Variants in YTHDF2 observed in about 807,000 individuals in gnomAD.
YTHDF2 encodes YTH domain-containing family protein 2.
In YTHDF2, 2 loss-of-function variants were observed where a neutral mutation model predicts 50.4. The ratio of observed to expected loss-of-function variants is 0.04; its 90% CI spans 0.02 to 0.12. YTHDF2 has a LOEUF of 0.12. YTHDF2 is among the 10% of genes least tolerant of loss of function. The pLI is 1.00. For missense variants in YTHDF2, 483 were observed against 722.6 expected (o/e 0.67, Z 3.80); for synonymous variants, 217 against 255.6 (o/e 0.85, Z 1.44).
At chr1:28,754,726 A>C (rs1347754010) in intron 4 of YTHDF2, among the ~76,000 whole-genome samples, 1 of 147,272 alleles carries the variant, frequency 6.8e-6, no homozygotes, top group Non-Finnish European at 1.5e-5. Flanking sequence ...ATCACTTGAA[A>C]CCAGAAGGCG....
intron 4 of YTHDF2, among the ~76,000 whole-genome samples, chr1:28,757,549 A>G (rs1444188563): frequency 2.6e-5 from 4 of 151,932 alleles, no homozygotes; most frequent in Admixed American, 6.6e-5. Flanking sequence ...GGTGTACTAC[A>G]TGAAGCCATT....
intron 4 of YTHDF2, among the ~76,000 whole-genome samples, chr1:28,754,952 G>T (rs539130438): frequency 1.3e-4 from 17 of 129,412 alleles, no homozygotes; most frequent in African/African-American, 5.5e-4. Context: ...ATTCCAGCCT[G>T]GGTGACAGCT....
At chr1:28,762,279 C>G (rs1387567161) in intron 4 of YTHDF2, among the ~76,000 whole-genome samples, 1 of 152,158 alleles carries the variant, frequency 6.6e-6, no homozygotes, top group East Asian at 1.9e-4. Context: ...GTAGTCCCAG[C>G]TACTCGGGAG....
chr1:28,748,726 C>T (rs2087903317), intron 4 of YTHDF2, among the ~76,000 whole-genome samples: 1 of 152,078 alleles, frequency 6.6e-6, no homozygotes, highest in African/African-American at 2.4e-5. Flanking sequence ...GTGTGGTTTA[C>T]CTTGTTGAAT....
chr1:28,746,797 C>G (rs1410734756), intron 4 of YTHDF2, among the ~76,000 whole-genome samples: 1 of 151,724 alleles, frequency 6.6e-6, no homozygotes, highest in Non-Finnish European at 1.5e-5. Context: ...GTTAATTTAG[C>G]TTTTGGCCAG....
In YTHDF2 at chr1:28,737,278, T is replaced by C. The variant is rs1570457556; in HGVS notation, c.27+131T>C. ...TCTCTTGCGGGCCAGGTTTCGGGCC[T>C]CTCAGGCCGGCCGCGCCCGGCGCCT... On this transcript the variant is annotated intron_variant, in intron 1 of 4. Transcript: ENST00000373812. 3 of 1,253,236 alleles carry C rather than the reference T, an allele frequency of 2.4e-6. No homozygotes were observed. In the East Asian group the frequency reaches 8.9e-5, roughly 37 times the overall value. 77.6% of individuals were successfully genotyped at this position (1,253,236 alleles called of 1,614,324 possible).
At chr1:28,761,068 G>T (rs1239862064) in intron 4 of YTHDF2, among the ~76,000 whole-genome samples, 1 of 149,232 alleles carries the variant, frequency 6.7e-6, no homozygotes, top group East Asian at 1.9e-4. Context: ...TAATCTTACT[G>T]ATCTGTCATT....
intron 4 of YTHDF2, among the ~76,000 whole-genome samples, chr1:28,745,469 C>T (rs1181782604): frequency 2.0e-5 from 3 of 152,236 alleles, no homozygotes; most frequent in Non-Finnish European, 4.4e-5. Context: ...CGTCATGGCT[C>T]ACGCCTATAA....
chr1:28,749,719 A>G (rs76278659), intron 4 of YTHDF2, among the ~76,000 whole-genome samples: 1 of 151,910 alleles, frequency 6.6e-6, no homozygotes, highest in African/African-American at 2.4e-5. Flanking sequence ...GATTCAATGA[A>G]TGATGGAGCC....
chr1:28,738,684 C>A (rs2087732036), intron 3 of YTHDF2, among the ~76,000 whole-genome samples: 2 of 152,166 alleles, frequency 1.3e-5, no homozygotes. Context: ...GGTGATTCAC[C>A]CGCCTTGGCC....
Position 28,743,337 on chromosome 1 carries a change from A to T in YTHDF2, c.1067A>T (p.Asn356Ile). ...AQPTRWVAPR[N>I]RGSGFGHNGV... is the part of the protein sequence containing the mutation. Reference sequence around the variant, plus strand: ...CCAACCCGCTGGGTAGCACCTCGGAACCGTGGCAGTGGGTTCGGTCATAAT... The same window carrying T: ...CCAACCCGCTGGGTAGCACCTCGGATCCGTGGCAGTGGGTTCGGTCATAAT... Residue 356 changes from asparagine to isoleucine, a missense_variant, in exon 4 of 5, where the codon AAC becomes ATC. Physicochemically the swap from Asn to Ile is moderately radical, Grantham distance 149. Coordinates refer to ENST00000373812, the MANE Select transcript of YTHDF2 (RefSeq NM_016258.3). The surrounding 1 kb of genome is among the most constrained non-coding windows in gnomAD (Gnocchi z 6.9). 2.5e-6 allele frequency: 4 copies of T among 1,614,098 alleles called. No individual in the cohort carries two copies. In the South Asian group the frequency reaches 3.3e-5, roughly 13 times the overall value.
intron 4 of YTHDF2, among the ~76,000 whole-genome samples, chr1:28,762,826 T>C (rs2088155706): frequency 6.6e-6 from 1 of 152,112 alleles, no homozygotes; most frequent in South Asian, 2.1e-4. Flanking sequence ...TTTTCTATTT[T>C]ATTTTATTTT....
At chr1:28,749,837 G>A (rs897875641) in intron 4 of YTHDF2, among the ~76,000 whole-genome samples, 17 of 152,090 alleles carry the variant, frequency 1.1e-4, no homozygotes, top group African/African-American at 4.1e-4. Flanking sequence ...TGAGGAGAGA[G>A]TTGAGTTACA....
chr1:28,744,089 A>G, intron 4 of YTHDF2, 103 bp downstream of exon 4: 1 of 1,230,520 alleles, frequency 8.1e-7, no homozygotes, highest in Non-Finnish European at 1.1e-6. Flanking sequence ...GTAAATGAAT[A>G]CAGTATCACC....
intron 2 of YTHDF2, 109 bp from the exon 3 acceptor site, chr1:28,738,150 T>TA (rs2087723474): frequency 2.4e-6 from 2 of 822,740 alleles, no homozygotes; most frequent in Middle Eastern, 2.9e-4. Flanking sequence ...AGTTCAATCT[T>TA]ACGTGCTTTG....
chr1:28,742,722 G>A lies in YTHDF2; in HGVS notation c.452G>A (p.Ser151Asn). The A allele has an allele frequency of 6.2e-7, 1 of 1,614,152 alleles. No individual in the cohort carries two copies. The highest frequency in any genetic ancestry group is 1.1e-5 in the South Asian group (1 of 91,082). The change falls in exon 4 of 5, where the codon AGC becomes AAC. Residue 151 changes from serine to asparagine, a missense_variant. Around this residue, in one of 4 missense-constraint regions of YTHDF2, gnomAD observed 385 missense variants for 475.8 expected, o/e 0.81. Transcript: ENST00000373812. ...TCTACTCAGAGCTCTGGATATAGTA[G>A]CAATTATGCTTATGCACCTAGCTCC... ...GQSTQSSGYSSNYAYAPSSLG... is the reference protein window; with the variant it reads ...GQSTQSSGYSNNYAYAPSSLG...
intron 4 of YTHDF2, among the ~76,000 whole-genome samples, chr1:28,758,954 C>T (rs2251919): frequency 0.055 from 8,353 of 152,230 alleles, 320 homozygotes; most frequent in African/African-American, 0.11. Context: ...AACCTAGGTT[C>T]TACTTACAGA....
At chr1:28,749,633 G>A (rs1282747314) in intron 4 of YTHDF2, among the ~76,000 whole-genome samples, 3 of 152,078 alleles carry the variant, frequency 2.0e-5, no homozygotes, top group African/African-American at 7.2e-5. Flanking sequence ...AAAAATGAGG[G>A]AAGTAGTCAA....
At chr1:28,754,969 A>G (rs2088014586) in intron 4 of YTHDF2, among the ~76,000 whole-genome samples, 1 of 151,426 alleles carries the variant, frequency 6.6e-6, no homozygotes, top group African/African-American at 2.4e-5. Context: ...AGCTCAAAAA[A>G]AAAAAAAAAA....
Sources: allele counts gnomAD v4.1 joint callset (sites outside exome capture counted in the v4.1 genomes callset), GRCh38; gene constraint gnomAD v4.1.1; regional missense constraint gnomAD v4.1.1; non-coding constraint Gnocchi (gnomAD v3.1); transcripts MANE v1.5; gene names NCBI Gene and HGNC (gene_info 2026-07-23, HGNC 2026-07-21).